ATG7: variants seen among roughly 807,000 people sequenced by gnomAD.
ATG7 encodes autophagy related 7, also known as ubiquitin-like modifier-activating enzyme ATG7.
A neutral mutation model predicts 82.4 loss-of-function variants in ATG7; 70 were observed. The observed-to-expected ratio is 0.85, with a 90% CI of 0.70 to 1.04. The LOEUF (loss-of-function observed/expected upper bound fraction) is 1.04, where lower values mean the gene tolerates loss of function less well. Among genes scored for constraint, ATG7 ranks in the 50% least tolerant of loss-of-function variants. The pLI is 0.00. For synonymous variants in ATG7, 287 were observed against 313.0 expected (o/e 0.92, Z 0.88); for missense variants, 792 against 864.3 (o/e 0.92, Z 1.05).
chr3:11,343,886 T>G (rs1258717288), intron 13 of ATG7, among the ~76,000 whole-genome samples: 1 of 152,172 alleles, frequency 6.6e-6, no homozygotes, highest in African/African-American at 2.4e-5. Context: ...TACAATGAAT[T>G]TATAGATAAA....
intron 20 of ATG7, among the ~76,000 whole-genome samples, chr3:11,536,630 T>C (rs1183187538): frequency 6.6e-6 from 1 of 152,236 alleles, no homozygotes; most frequent in Non-Finnish European, 1.5e-5. Context: ...GAGCGCACTC[T>C]GGCGGGGAGT....
downstream of ATG7, chr3:11,559,242 G>T: frequency 1.4e-6 from 2 of 1,451,078 alleles, no homozygotes; most frequent in South Asian, 1.4e-5. Context: ...ATGGGCTCAG[G>T]GGCGAGAGGT....
intron 20 of ATG7, among the ~76,000 whole-genome samples, chr3:11,531,708 C>CA (rs554131837): frequency 3.7e-3 from 567 of 151,836 alleles, no homozygotes; most frequent in African/African-American, 0.013. Context: ...CCTGTCTTTG[C>CA]AAAAAATTAG....
At chr3:11,500,453 T>TA (rs35029874) in intron 20 of ATG7, among the ~76,000 whole-genome samples, 79,998 of 151,574 alleles carry the variant, frequency 0.53, 22,097 homozygotes, top group East Asian at 0.67. Flanking sequence ...GCAATACAAC[T>TA]AAAAAATACA....
chr3:11,318,886 ATTGC>A (rs1949817783), intron 9 of ATG7, among the ~76,000 whole-genome samples: 1 of 152,140 alleles, frequency 6.6e-6, no homozygotes, highest in African/African-American at 2.4e-5. Context: ...GCACTGGCTG[ATTGC>A]TTGCGCCATT....
intron 18 of ATG7, among the ~76,000 whole-genome samples, chr3:11,366,971 CTGTGTGTGTGTGTGTGTGTGTGTGTGTG>C (rs60183965): frequency 7.2e-6 from 1 of 139,692 alleles, no homozygotes; most frequent in Non-Finnish European, 1.5e-5. Context: ...ATGGGAAAAG[CTGTGTGTGTGTGTGTGTGTGTGTGTGTG>C]TGTGTGTGTG....
At chr3:11,538,211 C>T (rs1017718773) in intron 20 of ATG7, among the ~76,000 whole-genome samples, 4 of 152,166 alleles carry the variant, frequency 2.6e-5, no homozygotes, top group African/African-American at 7.2e-5. Flanking sequence ...CCGAGGGCCT[C>T]GTGGCAGGCT....
At chr3:11,320,975 A>G (rs945871899) in intron 9 of ATG7, among the ~76,000 whole-genome samples, 4 of 152,374 alleles carry the variant, frequency 2.6e-5, no homozygotes, top group Admixed American at 2.0e-4. Context: ...AGTTACACAC[A>G]TGGTTACTGG....
the ATG7 span, among the ~76,000 whole-genome samples, chr3:11,573,531 G>A: frequency 6.6e-6 from 1 of 152,114 alleles, no homozygotes; most frequent in Admixed American, 6.5e-5. Flanking sequence ...ACCTTCCCAA[G>A]GCAGCCATCC....
chr3:11,389,306 T>A (rs1476936785), intron 19 of ATG7, among the ~76,000 whole-genome samples: 1 of 151,516 alleles, frequency 6.6e-6, no homozygotes, highest in Non-Finnish European at 1.5e-5. Context: ...GTTACCCTTA[T>A]GACTTGTTCA....
chr3:11,458,310 A>C (rs1320190895), intron 20 of ATG7, among the ~76,000 whole-genome samples: 4 of 151,914 alleles, frequency 2.6e-5, no homozygotes, highest in South Asian at 2.1e-4. Flanking sequence ...GTTGCCCAGG[A>C]TGGAGTGCAG....
chr3:11,522,536 A>AG (rs1234294707), intron 20 of ATG7, among the ~76,000 whole-genome samples: 1 of 152,182 alleles, frequency 6.6e-6, no homozygotes, highest in African/African-American at 2.4e-5. Flanking sequence ...ACCAGGACTT[A>AG]GGCAAGGCCA....
chr3:11,571,528 A>T, the ATG7 span, among the ~76,000 whole-genome samples: 4 of 152,192 alleles, frequency 2.6e-5, no homozygotes, highest in Admixed American at 6.5e-5. Context: ...TACAAAAAAT[A>T]CAAAAATTAG....
At chr3:11,528,067 C>T (rs1302389883) in intron 20 of ATG7, among the ~76,000 whole-genome samples, 2 of 152,130 alleles carry the variant, frequency 1.3e-5, no homozygotes. Context: ...CAATTGTGGG[C>T]CTTCTGTTGC....
the ATG7 span, chr3:11,564,734 T>C: frequency 7.1e-4 from 1,049 of 1,474,690 alleles, no homozygotes; most frequent in Non-Finnish European, 8.6e-4. Flanking sequence ...CTCGGGGCTC[T>C]CCATCCAGCC....
intron 5 of ATG7, chr3:11,304,414 ACT>A (rs1947366844): frequency 6.6e-6 from 1 of 152,150 alleles, no homozygotes; most frequent in Non-Finnish European, 1.5e-5. Flanking sequence ...ACAAACAGAA[ACT>A]CTGCGATTGC....
chr3:11,489,844 G>A (rs1475069665), intron 20 of ATG7, among the ~76,000 whole-genome samples: 1 of 152,146 alleles, frequency 6.6e-6, no homozygotes, highest in African/African-American at 2.4e-5. Context: ...CTGAGAGACA[G>A]TTTGTTATAA....
At chr3:11,454,255 G>T (rs1576525627) in intron 20 of ATG7, among the ~76,000 whole-genome samples, 1 of 152,156 alleles carries the variant, frequency 6.6e-6, no homozygotes, top group African/African-American at 2.4e-5. Flanking sequence ...TGGTGGAGTT[G>T]ACTCCGCCCT....
intron 18 of ATG7, among the ~76,000 whole-genome samples, chr3:11,372,765 C>T (rs2077088914): frequency 6.6e-6 from 1 of 150,832 alleles, no homozygotes; most frequent in African/African-American, 2.5e-5. Flanking sequence ...CTGAGGAATC[C>T]CTCTTACTAG....
Sources: gnomAD v4.1 joint callset for allele counts (sites outside exome capture counted in the v4.1 genomes callset) on GRCh38, gnomAD v4.1.1 for gene constraint, MANE v1.5 for transcripts, NCBI Gene and HGNC (gene_info 2026-07-23, HGNC 2026-07-21) for gene names.